SH3RF2: variants seen among roughly 807,000 people sequenced by gnomAD.
The protein encoded by SH3RF2 is SH3 domain containing ring finger 2.
In SH3RF2, 43 loss-of-function variants were observed where a neutral mutation model predicts 59.0. That is an observed-to-expected ratio of 0.73 (90% CI 0.57 to 0.94). SH3RF2 has a LOEUF of 0.94. Ranked by LOEUF, SH3RF2 falls within the 40% of genes least tolerant of loss-of-function variation. The probability of loss-of-function intolerance (pLI) is 0.00; values close to 1 mark genes in which losing one functional copy is unlikely to be tolerated. For synonymous variants in SH3RF2, 391 were observed against 391.5 expected, an observed-to-expected ratio of 1.00 and a Z score of 0.01; for missense variants, 930 against 940.1, an observed-to-expected ratio of 0.99 and a Z score of 0.14.
At chr5:145,990,806 A>G (rs923245168) in intron 2 of SH3RF2, among the ~76,000 whole-genome samples, 5 of 152,242 alleles carry the variant, frequency 3.3e-5, no homozygotes, top group African/African-American at 9.6e-5. Flanking sequence ...TGAGATCTCC[A>G]CACAAACTTT....
At chr5:145,957,942 G>A (rs1466666835) in intron 2 of SH3RF2, among the ~76,000 whole-genome samples, 6 of 152,092 alleles carry the variant, frequency 3.9e-5, no homozygotes, top group East Asian at 1.9e-4. Context: ...GTGAAACCCC[G>A]TCTCTACCAA....
chr5:146,071,577 A>G (rs965151432), intron 9 of SH3RF2, among the ~76,000 whole-genome samples: 2 of 152,344 alleles, frequency 1.3e-5, no homozygotes, highest in Non-Finnish European at 1.5e-5. Flanking sequence ...GGGGGCCTCC[A>G]ACAGAGAACT....
chr5:146,061,630 G>A (rs1030857679), intron 9 of SH3RF2, among the ~76,000 whole-genome samples: 8 of 152,092 alleles, frequency 5.3e-5, no homozygotes, highest in Admixed American at 6.6e-5. Flanking sequence ...CTGAGATAGA[G>A]ACTGGCTAAA....
Position 146,056,112 on chromosome 5 carries a change from T to C in SH3RF2, c.1454T>C (p.Val485Ala). The C allele has an allele frequency of 6.2e-7, 1 of 1,614,172 alleles. No homozygotes were observed. The highest frequency in any genetic ancestry group is 8.5e-7 in the Non-Finnish European group (1 of 1,180,030). The change falls in exon 8 of 10, where the codon GTC (valine) becomes GCC (alanine). Residue 485 changes from valine (V) to alanine (A), a missense_variant. Val to Ala is a moderately conservative substitution (Grantham distance 64). Transcript: ENST00000359120. ...CGGCAAAGCCGTCCCTTCAAATCCG[T>C]CTTTGTGCCCACTGCCATAGTCAAC... ...DPRQSRPFKS[V>A]FVPTAIVNPV...
chr5:145,942,469 GA>G (rs1194687361), intron 2 of SH3RF2, among the ~76,000 whole-genome samples: 2 of 151,994 alleles, frequency 1.3e-5, no homozygotes, highest in South Asian at 2.1e-4. Context: ...AACTGATGGG[GA>G]AAAAAAATGA....
chr5:146,039,973 T>G (rs890512773), intron 5 of SH3RF2, among the ~76,000 whole-genome samples: 2 of 152,224 alleles, frequency 1.3e-5, no homozygotes, highest in Admixed American at 1.3e-4. Context: ...AAGATGCAAG[T>G]CACAGAATAC....
At position 145,968,496 on chromosome 5, in the gene SH3RF2, A is replaced by G. The variant is rs568650126; in HGVS notation, c.378+30190A>G. On this transcript the variant is annotated intron_variant, in intron 2 of 9. Coordinates refer to ENST00000359120, the MANE Select transcript of SH3RF2 (RefSeq NM_152550.4). ...TATGTCTATATGTGTTTGTGCATGT[A>G]TGTGGGTTTATATATGCATAGAAAA... is the stretch of plus-strand genomic sequence containing the variant. Among the ~76,000 whole-genome samples the G allele has an allele frequency of 2.6e-5, 4 of 152,278 alleles. No individual in the cohort carries two copies. The South Asian group carries it at 8.3e-4, about 32-fold the overall frequency.
In SH3RF2 at chr5:146,047,857, C is replaced by T. The variant is rs138828375; in HGVS notation, c.1145C>T (p.Ala382Val). The change falls in exon 6 of 10, where the codon GCG (alanine) becomes GTG (valine). Residue 382 changes from alanine to valine, a missense_variant. Transcript: ENST00000359120. Reference protein sequence around the residue: ...SLPGSQQHLSANMFVALHSYS... With the variant: ...SLPGSQQHLSVNMFVALHSYS... Reference sequence around the variant, plus strand: ...CCTGGCTCCCAGCAACACCTCTCAGCGAACATGTGAGTAAAAGGCTCATCC... The same window carrying T: ...CCTGGCTCCCAGCAACACCTCTCAGTGAACATGTGAGTAAAAGGCTCATCC... 497 of 1,613,938 alleles carry T rather than the reference C, an allele frequency of 3.1e-4. No individual in the cohort carries two copies. The highest frequency in any genetic ancestry group is 4.0e-4 in the Non-Finnish European group (473 of 1,179,972).
Position 146,062,752 on chromosome 5 carries a change from A to G in SH3RF2, c.*51A>G, listed in dbSNP as rs1762948240. 6.4e-7 allele frequency: 1 copy of G among 1,571,782 alleles called. No individual in the cohort carries two copies. The highest frequency in any genetic ancestry group is 8.6e-7 in the Non-Finnish European group (1 of 1,156,178). On this transcript the variant is annotated 3_prime_UTR_variant, in exon 10 of 10. Transcript: ENST00000359120. The stretch of plus-strand genomic sequence containing the variant: ...CCAAAGAGGTGAATTGCATTTAAAT[A>G]CAGTCTGCCTCCACTGAGGGCATCC...
Position 145,999,142 on chromosome 5 carries a change from G to A in SH3RF2, c.379-916G>A, listed in dbSNP as rs28811895. Among the ~76,000 whole-genome samples, 1,406 of 152,170 alleles carry A rather than the reference G, an allele frequency of 9.2e-3. 15 individuals carry two copies. The highest frequency in any genetic ancestry group is 0.032 in the African/African-American group (1,319 of 41,522). ...CTTCACCTTGCATTTTTATGTTATA[G>A]AGACAGCTTCTCTTCTTAAACCTCA... On this transcript the variant is annotated intron_variant, in intron 2 of 9. Coordinates refer to ENST00000359120, the MANE Select transcript of SH3RF2 (RefSeq NM_152550.4).
Position 146,077,842 on chromosome 5 carries a change from G to C in SH3RF2, c.*34-618G>C, listed in dbSNP as rs1763366614. Among the ~76,000 whole-genome samples the C allele has an allele frequency of 3.3e-5, 5 of 151,986 alleles. No homozygotes were observed. In the South Asian group the frequency reaches 1.0e-3, roughly 32 times the overall value. Reference sequence around the variant, plus strand: ...AGATTCATTTTCTTTCATGGTCTTGGAATTTTGAATATTATAAGCCATTTA... The same window carrying C: ...AGATTCATTTTCTTTCATGGTCTTGCAATTTTGAATATTATAAGCCATTTA... On this transcript the variant is annotated intron_variant, in intron 9 of 9. Transcript: ENST00000511217.
intron 2 of SH3RF2, among the ~76,000 whole-genome samples, chr5:145,963,243 A>AATGGATGG (rs58658769): frequency 2.7e-3 from 395 of 148,030 alleles, no homozygotes; most frequent in African/African-American, 4.7e-3. Context: ...ATACTGGATG[A>AATGGATGG]ATGGATGGAT....
chr5:145,964,381 G>C (rs551871434), intron 2 of SH3RF2, among the ~76,000 whole-genome samples: 1 of 144,776 alleles, frequency 6.9e-6, no homozygotes, highest in Non-Finnish European at 1.5e-5. Flanking sequence ...ATCTCAGCTC[G>C]CTGCAACCTC....
chr5:145,964,228 CTTTT>C (rs1561713016), intron 2 of SH3RF2, among the ~76,000 whole-genome samples: 2 of 143,082 alleles, frequency 1.4e-5, no homozygotes, highest in African/African-American at 2.6e-5. Flanking sequence ...TTCCTTCTTT[CTTTT>C]CTTTCTTTCT....
intron 5 of SH3RF2, among the ~76,000 whole-genome samples, chr5:146,038,607 A>G (rs1326784763): frequency 6.6e-6 from 1 of 152,232 alleles, no homozygotes; most frequent in Non-Finnish European, 1.5e-5. Context: ...TAAATATAAC[A>G]AGACATGCAA....
intron 9 of SH3RF2, among the ~76,000 whole-genome samples, chr5:146,072,404 G>T (rs1376837001): frequency 6.6e-6 from 1 of 152,202 alleles, no homozygotes; most frequent in Non-Finnish European, 1.5e-5. Context: ...TGGGCATGGT[G>T]GCTCACGCCT....
At chr5:146,049,024 C>G in intron 6 of SH3RF2, 51 bp from the exon 7 acceptor site, 7 of 1,604,810 alleles carry the variant, frequency 4.4e-6, no homozygotes, top group Non-Finnish European at 6.0e-6. Flanking sequence ...TCCATGCCCC[C>G]CATCAGGCAC....
Position 145,964,154 on chromosome 5 carries a change from CTTCTT to C in SH3RF2, c.378+25856_378+25860del, listed in dbSNP as rs570967299. ...GCCTCTTCCTTTCTTTCCTTCCTTC[CTTCTT>C]TTCTTTTTTTCTTTCTTTCTTTTTC... On this transcript the variant is annotated intron_variant, in intron 2 of 9. Coordinates refer to ENST00000359120, the MANE Select transcript of SH3RF2 (RefSeq NM_152550.4). 2.0e-3 allele frequency among the ~76,000 whole-genome samples: 299 copies of C among 151,642 alleles called. 2 individuals are homozygous for C. Among genetic ancestry groups the C allele is most frequent in the South Asian group, 6.1e-3 (29 of 4,792 alleles).
rs1283552059 is a variant in SH3RF2, at chr5:146,063,058, AG to A, written c.*361del. 2.0e-5 allele frequency: 5 copies of A among 244,272 alleles called. No individual in the cohort carries two copies. The East Asian group carries it at 5.3e-4, about 26-fold the overall frequency. 15.1% of individuals were successfully genotyped at this position (244,272 alleles called of 1,614,324 possible). Reference sequence around the variant, plus strand: ...ATGGTGTCCTAAAGGGGGCTGCAGCAGGGGTGTGACAACGGTGGGATTGTTG... The same window carrying A: ...ATGGTGTCCTAAAGGGGGCTGCAGCAGGGTGTGACAACGGTGGGATTGTTG... On this transcript the variant is annotated 3_prime_UTR_variant, in exon 10 of 10. Transcript: ENST00000359120.
Sources: allele counts gnomAD v4.1 joint callset (sites outside exome capture counted in the v4.1 genomes callset), GRCh38; gene constraint gnomAD v4.1.1; transcripts MANE v1.5; gene names NCBI Gene and HGNC (gene_info 2026-07-23, HGNC 2026-07-21).